Variants in ENDOG observed in about 807,000 individuals in gnomAD.
ENDOG encodes endonuclease G.
A neutral mutation model predicts 22.6 loss-of-function variants in ENDOG; 22 were observed. The observed-to-expected ratio is 0.97, with a 90% CI of 0.70 to 1.39. The LOEUF is 1.39. Among genes scored for constraint, ENDOG ranks in the 40% most tolerant of loss-of-function variants. The probability of loss-of-function intolerance (pLI) is 0.00; values close to 1 mark genes in which losing one functional copy is unlikely to be tolerated. For synonymous variants in ENDOG, 173 were observed against 200.2 expected (o/e 0.86, Z 1.15); for missense variants, 403 against 431.3 (o/e 0.93, Z 0.58).
Position 128,818,682 on chromosome 9 carries a change from GC to G in ENDOG, c.-1del. The G allele has an allele frequency of 8.6e-7, 1 of 1,165,770 alleles. No individual in the cohort carries two copies. Among genetic ancestry groups the G allele is most frequent in the Non-Finnish European group, 1.1e-6 (1 of 945,566 alleles). The allele number at this position is 1,165,770 out of a possible 1,614,324, so 72.2% of individuals were successfully genotyped here. Reference sequence around the variant, plus strand: ...TCGCCCGCCGCTAGGTCGCTCCCCGGCCATGCGGGCGCTGCGGGCCGGCCTG... The same window carrying G: ...TCGCCCGCCGCTAGGTCGCTCCCCGGCATGCGGGCGCTGCGGGCCGGCCTG... On this transcript the variant is annotated 5_prime_UTR_variant, in exon 1 of 3. Transcript: ENST00000372642.
rs376004424 is a variant in ENDOG, at chr9:128,820,731, C to T, written c.502-8C>T. ...CACAGTCCTGCTAAGCCCTATCTCT[C>T]CTACCAGGTGCCCCACCTCAACCAG... On this transcript the variant is annotated splice_polypyrimidine_tract_variant and splice_region_variant and intron_variant, in intron 1 of 2. Coordinates refer to ENST00000372642, the MANE Select transcript of ENDOG (RefSeq NM_004435.2). The T allele has an allele frequency of 2.4e-4, 382 of 1,604,346 alleles. No individual in the cohort carries two copies. Among genetic ancestry groups the T allele is most frequent in the South Asian group, 4.8e-4 (43 of 89,368 alleles).
chr9:128,819,766 A>G lies in ENDOG; in HGVS notation c.501+581A>G, dbSNP rs4298587. ...CCTGAGCTTGTTTTCCTGCAACTAG[A>G]CAGTCCTATCTGGAGGTGATGGGCA... On this transcript the variant is annotated intron_variant, in intron 1 of 2. Transcript: ENST00000372642. The G allele has an allele frequency of 4.8e-3, 745 of 156,642 alleles. 5 individuals carry two copies. The highest frequency in any genetic ancestry group is 0.017 in the African/African-American group (710 of 41,642). The allele number at this position is 156,642 out of a possible 1,614,324, so 9.7% of individuals were successfully genotyped here.
intron 1 of ENDOG, 81 bp from the exon 2 acceptor site, chr9:128,820,658 C>A: frequency 8.6e-7 from 1 of 1,168,754 alleles, no homozygotes; most frequent in Non-Finnish European, 1.2e-6. Flanking sequence ...CCTGTCCATC[C>A]CCTCAGGACC....
intron 2 of ENDOG, 125 bp downstream of exon 2, chr9:128,820,973 G>C: frequency 1.2e-6 from 1 of 849,460 alleles, no homozygotes. Flanking sequence ...TGGTTTCTTG[G>C]CAAGCCTGTC....
chr9:128,820,772 C>G lies in ENDOG; in HGVS notation c.535C>G (p.Leu179Val). The G allele has an allele frequency of 6.2e-7, 1 of 1,612,316 alleles. No homozygotes were observed. Among genetic ancestry groups the G allele is most frequent in the Non-Finnish European group, 8.5e-7 (1 of 1,179,216 alleles). Residue 179 changes from leucine to valine, a missense_variant, in exon 2 of 3, where the codon CTG (leucine) becomes GTG (valine). Transcript: ENST00000372642. Reference sequence around the variant, plus strand: ...CCTCAACCAGAATGCCTGGAACAACCTGGAGAAATATAGCCGCAGCTTGAC... The same window carrying G: ...CCTCAACCAGAATGCCTGGAACAACGTGGAGAAATATAGCCGCAGCTTGAC... ...PHLNQNAWNN[L>V]EKYSRSLTRS...
chr9:128,819,086 C>T lies in ENDOG; in HGVS notation c.402C>T (p.Gly134=). The T allele has an allele frequency of 6.6e-7, 1 of 1,518,188 alleles. No individual in the cohort carries two copies. The highest frequency in any genetic ancestry group is 1.8e-4 in the Middle Eastern group (1 of 5,662). 94.0% of individuals were successfully genotyped at this position (1,518,188 alleles called of 1,614,324 possible). A position where few individuals can be genotyped will look rare whatever the true frequency, so the allele number is the denominator to read the frequency against. Residue 134 remains glycine (G), a synonymous_variant, in exon 1 of 3, where the codon GGC becomes GGT. Coordinates refer to ENST00000372642, the MANE Select transcript of ENDOG (RefSeq NM_004435.2). ...YHRATNADYR[G]SGFDRGHLAA... is the part of the protein sequence containing the mutation. ...GTGCCACCAACGCCGACTACCGCGG[C>T]AGTGGCTTCGACCGCGGTCACCTGG...
Position 128,818,602 on chromosome 9 carries a change from C to T in ENDOG, c.-83C>T. ...GTCACGCTATCGTCCGCGGCCCCAG[C>T]AGCCCTGTGCCCTCGTTGGATCCCG... On this transcript the variant is annotated 5_prime_UTR_variant, in exon 1 of 3. Transcript: ENST00000372642. The T allele has an allele frequency of 1.9e-6, 2 of 1,061,998 alleles. No homozygotes were observed. Among genetic ancestry groups the T allele is most frequent in the Non-Finnish European group, 2.3e-6 (2 of 879,586 alleles). 65.8% of individuals were successfully genotyped at this position (1,061,998 alleles called of 1,614,324 possible).
intron 2 of ENDOG, 103 bp downstream of exon 2, chr9:128,820,951 TC>T: frequency 2.0e-6 from 2 of 998,254 alleles, no homozygotes; most frequent in South Asian, 2.9e-5. Context: ...CAATACCAGT[TC>T]CCTACTCATC....
chr9:128,820,602 CT>C, intron 1 of ENDOG, 136 bp from the exon 2 acceptor site: 2 of 714,308 alleles, frequency 2.8e-6, no homozygotes, highest in Non-Finnish European at 4.8e-6. Flanking sequence ...ACTTTCATTC[CT>C]TGAGCCTCAG....
chr9:128,822,026 G>A (rs1282665980), intron 2 of ENDOG: 10 of 419,758 alleles, frequency 2.4e-5, no homozygotes, highest in South Asian at 2.1e-4. Context: ...ATGGACAGTC[G>A]TTAAGTCTCC....
intron 1 of ENDOG, 120 bp from the exon 2 acceptor site, chr9:128,820,619 C>T: frequency 1.3e-6 from 1 of 792,212 alleles, no homozygotes; most frequent in Middle Eastern, 2.9e-4. Context: ...CTCAGTTTCC[C>T]CCCGCTTGTC....
Position 128,822,578 on chromosome 9 carries a change from A to G in ENDOG, c.862A>G (p.Ser288Gly). The G allele has an allele frequency of 6.4e-7, 1 of 1,569,046 alleles. No individual in the cohort carries two copies. The highest frequency in any genetic ancestry group is 8.6e-7 in the Non-Finnish European group (1 of 1,156,814). The change falls in exon 3 of 3, where the codon AGC (serine) becomes GGC (glycine). Residue 288 changes from serine to glycine, a missense_variant. By Grantham distance (56) the Ser-to-Gly change is moderately conservative (BLOSUM62 0). Transcript: ENST00000372642. ...FVPNILARAG[S>G]LKAITAGSK The stretch of plus-strand genomic sequence containing the variant: ...GCCAAACATCCTGGCGCGGGCAGGC[A>G]GCCTCAAGGCCATCACGGCGGGCAG...
intron 2 of ENDOG, chr9:128,821,126 CCACCCAATCTTGTTCTG>C (rs1830105076): frequency 4.0e-6 from 2 of 497,478 alleles, no homozygotes; most frequent in Non-Finnish European, 7.3e-6. Flanking sequence ...CTTGGCATGC[CCACCCAATCTTGTTCTG>C]CCAATATGGA....
Position 128,822,572 on chromosome 9 carries a change from G to A in ENDOG, c.856G>A (p.Ala286Thr). The change falls in exon 3 of 3, where the codon GCA becomes ACA. Residue 286 changes from alanine to threonine, a missense_variant. Coordinates refer to ENST00000372642, the MANE Select transcript of ENDOG (RefSeq NM_004435.2). ...LLFVPNILAR[A>T]GSLKAITAGS... The stretch of plus-strand genomic sequence containing the variant: ...CTTTGTGCCAAACATCCTGGCGCGG[G>A]CAGGCAGCCTCAAGGCCATCACGGC... 1 of 1,567,348 alleles carries A rather than the reference G, an allele frequency of 6.4e-7. No homozygotes were observed. The highest frequency in any genetic ancestry group is 8.7e-7 in the Non-Finnish European group (1 of 1,155,874).
rs1252020296 is a variant in ENDOG at position 128,822,312 on chromosome 9, C to G, written c.612-16C>G. On this transcript the variant is annotated splice_polypyrimidine_tract_variant and intron_variant, in intron 2 of 2. Transcript: ENST00000372642. ...ATCCAGGCCCCCTGCCCACGTGTGC[C>G]TGGGTCTGCCCACAGGACAGAGGCT... is the stretch of plus-strand genomic sequence containing the variant. 1.2e-6 allele frequency: 2 copies of G among 1,608,850 alleles called. No individual in the cohort carries two copies. The highest frequency in any genetic ancestry group is 1.7e-6 in the Non-Finnish European group (2 of 1,176,768).
In ENDOG at chr9:128,822,397, A is replaced by C. The variant is rs781331249; in HGVS notation, c.681A>C (p.Thr227=). 1 of 1,612,924 alleles carries C rather than the reference A, an allele frequency of 6.2e-7. No individual in the cohort carries two copies. The highest frequency in any genetic ancestry group is 1.1e-5 in the South Asian group (1 of 90,784). ...GCAAGAACCACGTGGCAGTGCCCAC[A>C]CACTTCTTCAAGGTGCTGATCCTGG... is the stretch of plus-strand genomic sequence containing the variant. ...VIGKNHVAVP[T]HFFKVLILEA... Residue 227 remains threonine (T), a synonymous_variant, in exon 3 of 3, where the codon ACA becomes ACC. Coordinates refer to ENST00000372642, the MANE Select transcript of ENDOG (RefSeq NM_004435.2).
In ENDOG at chr9:128,818,965, G is replaced by T; in HGVS notation, c.281G>T (p.Trp94Leu). ...GACCCGCGCACCCGCGGCGCGCTCT[G>T]GGTGGTGGAGCAGCTGCGACCCGAG... The part of the protein sequence containing the change: ...CYDPRTRGAL[W>L]VVEQLRPERL... The change falls in exon 1 of 3, where the codon TGG becomes TTG. Residue 94 changes from tryptophan (W) to leucine (L), a missense_variant. By Grantham distance (61) the Trp-to-Leu change is moderately conservative. Transcript: ENST00000372642. 6.7e-7 allele frequency: 1 copy of T among 1,494,734 alleles called. No individual in the cohort carries two copies. Among genetic ancestry groups the T allele is most frequent in the Non-Finnish European group, 8.8e-7 (1 of 1,130,326 alleles). 92.6% of individuals were successfully genotyped at this position (1,494,734 alleles called of 1,614,324 possible).
intron 1 of ENDOG, 150 bp from the exon 2 acceptor site, chr9:128,820,589 G>A (rs1589588568): frequency 4.5e-6 from 3 of 667,100 alleles, no homozygotes; most frequent in Non-Finnish European, 7.9e-6. Context: ...GTTTCAGGGA[G>A]TGACTTTCAT....
chr9:128,818,783 G>C lies in ENDOG; in HGVS notation c.99G>C (p.Ala33=). Residue 33 remains alanine (A), a synonymous_variant, in exon 1 of 3, where the codon GCG becomes GCC. Coordinates refer to ENST00000372642, the MANE Select transcript of ENDOG (RefSeq NM_004435.2). ...WRRRREDARA[A]PGLLGRLPVL... ...GGCGGCGGGAGGACGCGCGGGCGGC[G>C]CCGGGACTGCTGGGCCGGCTGCCCG... 1.7e-6 allele frequency: 2 copies of C among 1,197,784 alleles called. No individual in the cohort carries two copies. The highest frequency in any genetic ancestry group is 4.1e-5 in the South Asian group (1 of 24,616). 74.2% of individuals were successfully genotyped at this position (1,197,784 alleles called of 1,614,324 possible).
Sources: gnomAD v4.1 joint callset for allele counts on GRCh38, gnomAD v4.1.1 for gene constraint, MANE v1.5 for transcripts, NCBI Gene and HGNC (gene_info 2026-07-23, HGNC 2026-07-21) for gene names.